Variants in PITPNC1 observed in about 807,000 individuals in gnomAD.
The protein encoded by PITPNC1 is phosphatidylinositol transfer protein cytoplasmic 1.
Under a neutral mutation model 44.7 loss-of-function variants are expected in PITPNC1, and 18 were observed. The observed-to-expected ratio is 0.40, with a 90% CI of 0.28 to 0.60. PITPNC1 has a LOEUF of 0.60. PITPNC1 is among the 20% of genes least tolerant of loss of function. The probability of loss-of-function intolerance (pLI) is 0.39; values close to 1 mark genes in which losing one functional copy is unlikely to be tolerated. For missense variants in PITPNC1, 290 were observed against 418.4 expected, an observed-to-expected ratio of 0.69 and a Z score of 2.68; for synonymous variants, 141 against 149.6, an observed-to-expected ratio of 0.94 and a Z score of 0.42.
At chr17:67,533,937 C>T (rs2040495550) in intron 2 of PITPNC1, among the ~76,000 whole-genome samples, 2 of 151,972 alleles carry the variant, frequency 1.3e-5, no homozygotes, top group Non-Finnish European at 2.9e-5. Flanking sequence ...CTCTATTGCC[C>T]AGACGGGAGT....
chr17:67,643,242 T>G (rs1435113622), intron 6 of PITPNC1, among the ~76,000 whole-genome samples: 3 of 152,042 alleles, frequency 2.0e-5, no homozygotes, highest in Admixed American at 1.3e-4. Flanking sequence ...GAAAATTAGC[T>G]GGGCATGGCG....
intron 1 of PITPNC1, among the ~76,000 whole-genome samples, chr17:67,523,451 T>A (rs1312660120): frequency 6.6e-6 from 1 of 151,944 alleles, no homozygotes; most frequent in Non-Finnish European, 1.5e-5. Flanking sequence ...GCAGTTGGTG[T>A]ACAGGTTTAT....
At chr17:67,586,993 C>T (rs183961715) in intron 5 of PITPNC1, among the ~76,000 whole-genome samples, 213 of 152,110 alleles carry the variant, frequency 1.4e-3, no homozygotes, top group African/African-American at 4.8e-3. Flanking sequence ...AGAATTGATG[C>T]GGGGCATGAG....
chr17:67,663,209 T>C (rs1434904537), intron 6 of PITPNC1, among the ~76,000 whole-genome samples: 7 of 152,118 alleles, frequency 4.6e-5, no homozygotes, highest in African/African-American at 1.7e-4. Flanking sequence ...CCTAAATGGG[T>C]GCTTAGCCCA....
At chr17:67,473,552 C>T (rs2039581775) in intron 1 of PITPNC1, among the ~76,000 whole-genome samples, 1 of 152,074 alleles carries the variant, frequency 6.6e-6, no homozygotes, top group Non-Finnish European at 1.5e-5. Context: ...ATCTGCACGC[C>T]TCAGCCTCCC....
intron 1 of PITPNC1, among the ~76,000 whole-genome samples, chr17:67,395,732 C>T (rs917807039): frequency 3.3e-5 from 5 of 152,106 alleles, no homozygotes; most frequent in African/African-American, 9.7e-5. Flanking sequence ...TTTCTCAATA[C>T]TTAAAAACAC....
intron 6 of PITPNC1, among the ~76,000 whole-genome samples, chr17:67,648,071 A>ATTGGCTTATTGAACATCTCTACCCTGGT (rs2042171545): frequency 1.3e-5 from 2 of 152,180 alleles, no homozygotes; most frequent in African/African-American, 4.8e-5. Flanking sequence ...TTACAGACTG[A>ATTGGCTTATTGAACATCTCTACCCTGGT]TTGGCTTATT....
Position 67,606,603 on chromosome 17 carries a change from C to G in PITPNC1, c.367-25540C>G, listed in dbSNP as rs537642475. ...AAGGCTGTGTCTCCATCTCAGAAAC[C>G]TATTTAAAGCCGAACTTTATAATGG... On this transcript the variant is annotated intron_variant, in intron 5 of 8. Coordinates refer to ENST00000581322, the MANE Select transcript of PITPNC1 (RefSeq NM_012417.4). Among the ~76,000 whole-genome samples, 9 of 152,300 alleles carry G rather than the reference C, an allele frequency of 5.9e-5. No homozygotes were observed. In the South Asian group the frequency reaches 1.5e-3, roughly 25 times the overall value.
At chr17:67,492,768 C>T (rs1025665349) in intron 1 of PITPNC1, among the ~76,000 whole-genome samples, 1 of 152,128 alleles carries the variant, frequency 6.6e-6, no homozygotes, top group South Asian at 2.1e-4. Flanking sequence ...TACGGTGCAT[C>T]GTCTTCTGTG....
At chr17:67,568,940 T>C (rs2041016550) in intron 4 of PITPNC1, among the ~76,000 whole-genome samples, 1 of 152,220 alleles carries the variant, frequency 6.6e-6, no homozygotes, top group African/African-American at 2.4e-5. Flanking sequence ...ACAGTATCCT[T>C]TGATGACAAT....
chr17:67,621,281 C>T (rs552772455), intron 5 of PITPNC1, among the ~76,000 whole-genome samples: 17 of 151,518 alleles, frequency 1.1e-4, no homozygotes, highest in African/African-American at 4.1e-4. Flanking sequence ...GATCTCAGGT[C>T]ACTGTAACCT....
At chr17:67,441,871 C>G (rs1197081499) in intron 1 of PITPNC1, among the ~76,000 whole-genome samples, 1 of 152,072 alleles carries the variant, frequency 6.6e-6, no homozygotes, top group Non-Finnish European at 1.5e-5. Context: ...GATTTAAGCT[C>G]TTCTTTTCCA....
intron 1 of PITPNC1, among the ~76,000 whole-genome samples, chr17:67,451,715 T>C (rs1208317115): frequency 1.3e-5 from 2 of 151,690 alleles, no homozygotes; most frequent in Non-Finnish European, 2.9e-5. Context: ...CTCGGCTCAC[T>C]GCAATCTCCG....
chr17:67,554,385 G>A (rs1461249260), intron 4 of PITPNC1, among the ~76,000 whole-genome samples: 1 of 150,014 alleles, frequency 6.7e-6, no homozygotes, highest in Admixed American at 6.8e-5. Context: ...AGCCTCCCAA[G>A]TAGCTGGGAT....
At position 67,645,021 on chromosome 17, in the gene PITPNC1, T is replaced by A. The variant is rs545509598; in HGVS notation, c.462+12783T>A. ...TGGCCTCAGAGCAGAGCTTCCCATC[T>A]TTTTTCATGCCTTGACAGGTAGGAA... On this transcript the variant is annotated intron_variant, in intron 6 of 8. Transcript: ENST00000581322. 2.9e-4 allele frequency among the ~76,000 whole-genome samples: 44 copies of A among 152,240 alleles called. No homozygotes were observed. The East Asian group carries it at 8.1e-3, about 28-fold the overall frequency.
intron 1 of PITPNC1, among the ~76,000 whole-genome samples, chr17:67,462,586 A>G (rs1486820453): frequency 6.6e-6 from 1 of 152,032 alleles, no homozygotes; most frequent in Non-Finnish European, 1.5e-5. Context: ...AGACAAAAAT[A>G]CCACTTAGTA....
intron 1 of PITPNC1, among the ~76,000 whole-genome samples, chr17:67,420,378 C>T (rs113058683): frequency 4.0e-3 from 260 of 65,802 alleles, no homozygotes; most frequent in African/African-American, 0.014. Context: ...CTTCCTTCCT[C>T]CCTCCCCTCC....
intron 1 of PITPNC1, among the ~76,000 whole-genome samples, chr17:67,398,069 G>C (rs1372155437): frequency 6.7e-6 from 1 of 150,056 alleles, no homozygotes; most frequent in Non-Finnish European, 1.5e-5. Context: ...CTCCAGCCTG[G>C]GCGACAGAGC....
intron 1 of PITPNC1, among the ~76,000 whole-genome samples, chr17:67,496,029 T>G (rs1365038745): frequency 6.6e-6 from 1 of 152,230 alleles, no homozygotes; most frequent in African/African-American, 2.4e-5. Context: ...CTTATAATTT[T>G]GGAAATTCCA....
Sources: gnomAD v4.1 joint callset for allele counts (sites outside exome capture counted in the v4.1 genomes callset) on GRCh38, gnomAD v4.1.1 for gene constraint, MANE v1.5 for transcripts, NCBI Gene and HGNC (gene_info 2026-07-23, HGNC 2026-07-21) for gene names.